Variants in ZNG1A observed in about 807,000 individuals in gnomAD.
ZNG1A encodes the protein zinc-regulated GTPase metalloprotein activator 1A.
At chr9:174,315 G>T in the ZNG1A span, among the ~76,000 whole-genome samples, 1 of 151,890 alleles carries the variant, frequency 6.6e-6, no homozygotes, top group Non-Finnish European at 1.5e-5. Flanking sequence ...AGTTCTAAAA[G>T]CCCACTAAGC....
the ZNG1A span, among the ~76,000 whole-genome samples, chr9:144,992 A>T: frequency 6.6e-6 from 1 of 151,252 alleles, no homozygotes; most frequent in South Asian, 2.1e-4. Context: ...CAAAACCACA[A>T]TGAGATACTA....
At chr9:127,611 G>T in the ZNG1A span, among the ~76,000 whole-genome samples, 1 of 152,178 alleles carries the variant, frequency 6.6e-6, no homozygotes, top group African/African-American at 2.4e-5. Flanking sequence ...CAGATAGTTG[G>T]TTGGTGAATT....
At chr9:174,500 G>T in the ZNG1A span, among the ~76,000 whole-genome samples, 3,994 of 152,062 alleles carry the variant, frequency 0.026, 156 homozygotes, top group African/African-American at 0.093. Flanking sequence ...TTGCAAAAAT[G>T]ATCCAGGAAA....
At chr9:171,899 T>G in the ZNG1A span, 1 of 756,750 alleles carries the variant, frequency 1.3e-6, no homozygotes, top group African/African-American at 1.8e-5. Context: ...AGAAATACTC[T>G]GTTCATTCAT....
chr9:161,516 C>T, the ZNG1A span: 1 of 1,152,964 alleles, frequency 8.7e-7, no homozygotes, highest in Non-Finnish European at 1.1e-6. Context: ...AGGTTGGATA[C>T]AAAACAGACA....
the ZNG1A span, chr9:123,629 A>G: frequency 1.7e-6 from 1 of 576,234 alleles, no homozygotes; most frequent in Non-Finnish European, 3.1e-6. Flanking sequence ...TAGCAACTCC[A>G]TTTCCTACAT....
chr9:141,671 G>C, the ZNG1A span, among the ~76,000 whole-genome samples: 1 of 151,536 alleles, frequency 6.6e-6, no homozygotes, highest in African/African-American at 2.4e-5. Flanking sequence ...ATAATGACAG[G>C]ATCAAATTCA....
chr9:161,398 G>A, the ZNG1A span, among the ~76,000 whole-genome samples: 10 of 151,062 alleles, frequency 6.6e-5, no homozygotes, highest in East Asian at 2.0e-3. Flanking sequence ...AACCTGGGAG[G>A]TGGAGGTTGC....
the ZNG1A span, among the ~76,000 whole-genome samples, chr9:159,250 A>G: frequency 3.4e-5 from 5 of 149,122 alleles, no homozygotes; most frequent in South Asian, 8.7e-4. Context: ...AAGGATCAAA[A>G]CCCCAATTTA....
At chr9:174,984 A>G in the ZNG1A span, among the ~76,000 whole-genome samples, 2 of 152,026 alleles carry the variant, frequency 1.3e-5, no homozygotes, top group Non-Finnish European at 2.9e-5. Context: ...CATTGCAGAT[A>G]ATAAACATTA....
At chr9:146,592 A>G in the ZNG1A span, 1 of 173,050 alleles carries the variant, frequency 5.8e-6, no homozygotes, top group South Asian at 1.3e-4. Context: ...GAGGAGTCAA[A>G]TAACCAATGT....
the ZNG1A span, among the ~76,000 whole-genome samples, chr9:140,104 C>T: frequency 6.6e-6 from 1 of 150,842 alleles, no homozygotes; most frequent in Non-Finnish European, 1.5e-5. Context: ...TGGCCATTGC[C>T]CAGGCTTGAT....
the ZNG1A span, chr9:171,824 T>C: frequency 6.7e-3 from 3,323 of 493,068 alleles, 75 homozygotes; most frequent in African/African-American, 0.058. Flanking sequence ...ACAACTTCTG[T>C]TCTTACAAAT....
the ZNG1A span, chr9:151,462 A>T: frequency 1.3e-6 from 1 of 784,898 alleles, no homozygotes; most frequent in Non-Finnish European, 1.5e-6. Context: ...AAAAAAAAAA[A>T]TGAGCTTAAT....
the ZNG1A span, among the ~76,000 whole-genome samples, chr9:137,315 C>T: frequency 2.0e-5 from 3 of 149,696 alleles, no homozygotes; most frequent in East Asian, 2.0e-4. Context: ...GAGCTGACAT[C>T]GCACCACTGC....
the ZNG1A span, among the ~76,000 whole-genome samples, chr9:138,881 G>A: frequency 6.7e-6 from 1 of 149,888 alleles, no homozygotes; most frequent in Non-Finnish European, 1.5e-5. Flanking sequence ...TCCAGCCTGA[G>A]TGACAGAGAA....
At chr9:168,491 A>G in the ZNG1A span, among the ~76,000 whole-genome samples, 1 of 150,762 alleles carries the variant, frequency 6.6e-6, no homozygotes, top group Non-Finnish European at 1.5e-5. Flanking sequence ...TGAACTCGTG[A>G]ACTGCCCACC....
At chr9:176,001 C>G in the ZNG1A span, among the ~76,000 whole-genome samples, 18 of 150,162 alleles carry the variant, frequency 1.2e-4, 1 homozygote, top group East Asian at 3.1e-3. Flanking sequence ...TACAAACACT[C>G]CTACAAGTTG....
chr9:176,572 C>A, the ZNG1A span, among the ~76,000 whole-genome samples: 2 of 151,920 alleles, frequency 1.3e-5, no homozygotes, highest in African/African-American at 4.8e-5. Context: ...GTATTAATAT[C>A]TTTTAGGTCA....
Sources: allele counts gnomAD v4.1 joint callset (sites outside exome capture counted in the v4.1 genomes callset), GRCh38; gene constraint gnomAD v4.1.1; transcripts MANE v1.5; gene names NCBI Gene and HGNC (gene_info 2026-07-23, HGNC 2026-07-21).